The following GLI3 variants were observed in gnomAD, a reference collection of about 807,000 sequenced individuals.
GLI3 encodes transcription activator GLI3.
A neutral mutation model predicts 100.8 loss-of-function variants in GLI3; 20 were observed. The ratio of observed to expected loss-of-function variants is 0.20; its 90% confidence interval spans 0.14 to 0.29. GLI3 has a LOEUF of 0.29. Ranked by LOEUF, GLI3 falls within the 10% of genes least tolerant of loss-of-function variation. The pLI is 1.00. For missense variants in GLI3, 2,040 were observed against 2,128.5 expected, an observed-to-expected ratio of 0.96 and a Z score of 0.82; for synonymous variants, 938 against 860.5, an observed-to-expected ratio of 1.09 and a Z score of -1.58.
At chr7:42,132,267 A>ATT (rs542655206) in intron 3 of GLI3, among the ~76,000 whole-genome samples, 2 of 85,630 alleles carry the variant, frequency 2.3e-5, no homozygotes, top group Non-Finnish European at 4.3e-5. Flanking sequence ...CGCCCGGCTA[A>ATT]TTTTTTGTAT....
At chr7:42,012,133 A>T (rs1788630783) in intron 10 of GLI3, among the ~76,000 whole-genome samples, 1 of 152,210 alleles carries the variant, frequency 6.6e-6, no homozygotes, top group Admixed American at 6.5e-5. Flanking sequence ...GACTTGATGC[A>T]TGGCCGAGGA....
At chr7:42,048,834 C>T (rs1320475560) in intron 4 of GLI3, 138 bp from the exon 5 acceptor site, 3 of 687,130 alleles carry the variant, frequency 4.4e-6, no homozygotes, top group Non-Finnish European at 8.0e-6. Flanking sequence ...CAGGCAAATA[C>T]ATATTAGTAC....
Position 41,964,210 on chromosome 7 carries a change from G to A in GLI3, c.*120C>T, listed in dbSNP as rs771611053. 4 of 766,244 alleles carry A rather than the reference G, an allele frequency of 5.2e-6. No individual in the cohort carries two copies. In the East Asian group the frequency reaches 1.1e-4, roughly 20 times the overall value. The allele number at this position is 766,244 out of a possible 1,614,324, so 47.5% of individuals were successfully genotyped here. A position where few individuals can be genotyped will look rare whatever the true frequency, so the allele number is the denominator to read the frequency against. On this transcript the variant is annotated 3_prime_UTR_variant, in exon 15 of 15. Transcript: ENST00000395925. ...AGGAATATAATTGAAACACATCTCA[G>A]TTAGGTGAGATGAGATTGCTAAAAT...
rs539068418 is a variant in GLI3, at chr7:42,222,935, G to A, written c.124+195C>T. ...CAAATTAGAAAGTTTGGAAGTCAAC[G>A]TGTAGGTTGAGTGCCAAAATAGAGA... On this transcript the variant is annotated intron_variant, in intron 2 of 14. Transcript: ENST00000395925. 1,364 of 631,864 alleles carry A rather than the reference G, an allele frequency of 2.2e-3. 2 individuals carry two copies. The highest frequency in any genetic ancestry group is 3.1e-3 in the Non-Finnish European group (1,096 of 351,564). 39.1% of individuals were successfully genotyped at this position (631,864 alleles called of 1,614,324 possible). A position where few individuals can be genotyped will look rare whatever the true frequency, so the allele number is the denominator to read the frequency against.
chr7:42,210,403 G>A lies in GLI3; in HGVS notation c.124+12727C>T, dbSNP rs143511058. ...ATGCTGGCGTTTACCTGTAAGACTT[G>A]TACTTGTATTATTAGTATACCCCAG... On this transcript the variant is annotated intron_variant, in intron 2 of 14. Transcript: ENST00000395925. Among the ~76,000 whole-genome samples, 12 of 125,364 alleles carry A rather than the reference G, an allele frequency of 9.6e-5. No individual in the cohort carries two copies. In the East Asian group the frequency reaches 2.8e-3, roughly 29 times the overall value. 82.2% of individuals were successfully genotyped at this position (125,364 alleles called of 152,430 possible). A position where few individuals can be genotyped will look rare whatever the true frequency, so the allele number is the denominator to read the frequency against.
chr7:42,136,879 T>A (rs1464976720), intron 3 of GLI3, among the ~76,000 whole-genome samples: 1 of 152,246 alleles, frequency 6.6e-6, no homozygotes, highest in Admixed American at 6.5e-5. Context: ...CCAGCTGGGC[T>A]GATCCCAAAC....
At chr7:42,073,247 T>G (rs559609263) in intron 4 of GLI3, among the ~76,000 whole-genome samples, 1 of 152,320 alleles carries the variant, frequency 6.6e-6, no homozygotes, top group East Asian at 1.9e-4. Flanking sequence ...CATTCTACAC[T>G]GCCTAACCAT....
intron 3 of GLI3, among the ~76,000 whole-genome samples, chr7:42,116,225 G>C (rs1583570962): frequency 6.6e-6 from 1 of 152,110 alleles, no homozygotes; most frequent in Non-Finnish European, 1.5e-5. Context: ...TTCAGGTACA[G>C]CTCCCTATTT....
chr7:42,048,814 G>GA (rs1259666255), intron 4 of GLI3, 118 bp from the exon 5 acceptor site: 8 of 743,968 alleles, frequency 1.1e-5, no homozygotes, highest in African/African-American at 3.5e-5. Context: ...GAGCCTTGTG[G>GA]AAAAAACTGC....
intron 10 of GLI3, among the ~76,000 whole-genome samples, chr7:42,001,542 G>C (rs144402539): frequency 1.9e-3 from 289 of 152,148 alleles, no homozygotes; most frequent in Admixed American, 4.1e-3. Context: ...ATCCATTTTA[G>C]AAAATATTAT....
intron 3 of GLI3, among the ~76,000 whole-genome samples, chr7:42,110,602 G>A (rs1371951340): frequency 6.6e-6 from 1 of 152,152 alleles, no homozygotes; most frequent in Admixed American, 6.5e-5. Context: ...GCCCTGCACA[G>A]CATCTACAAA....
At chr7:42,226,495 T>C (rs1417810022) in intron 1 of GLI3, among the ~76,000 whole-genome samples, 1 of 152,226 alleles carries the variant, frequency 6.6e-6, no homozygotes, top group Non-Finnish European at 1.5e-5. Context: ...CTCCAGGCAC[T>C]GACTGAAATC....
At chr7:42,245,567 G>A (rs1788962154) in intron 1 of GLI3, among the ~76,000 whole-genome samples, 1 of 152,064 alleles carries the variant, frequency 6.6e-6, no homozygotes, top group Non-Finnish European at 1.5e-5. Context: ...TTTAGTCCCA[G>A]CTACTAGGGA....
At chr7:42,034,240 T>C (rs1314911732) in intron 7 of GLI3, among the ~76,000 whole-genome samples, 1 of 152,214 alleles carries the variant, frequency 6.6e-6, no homozygotes, top group African/African-American at 2.4e-5. Context: ...TGCCTCTCAT[T>C]TGAGGATTTC....
chr7:42,242,188 G>A (rs1300218128), upstream of GLI3, among the ~76,000 whole-genome samples: 2 of 152,096 alleles, frequency 1.3e-5, no homozygotes, highest in African/African-American at 4.8e-5. Context: ...AACAAGCAGT[G>A]GTCTGTAGGG....
chr7:42,234,637 T>G (rs1312130151), intron 1 of GLI3, among the ~76,000 whole-genome samples: 1 of 152,182 alleles, frequency 6.6e-6, no homozygotes, highest in Non-Finnish European at 1.5e-5. Context: ...TGGGAATTGG[T>G]AGGCATCTGA....
chr7:41,964,112 T>C lies in GLI3; in HGVS notation c.*218A>G, dbSNP rs1562656169. The C allele has an allele frequency of 6.1e-6, 3 of 489,738 alleles. No individual in the cohort carries two copies. Among genetic ancestry groups the C allele is most frequent in the Non-Finnish European group, 1.1e-5 (3 of 273,826 alleles). 30.3% of individuals were successfully genotyped at this position (489,738 alleles called of 1,614,324 possible). On this transcript the variant is annotated 3_prime_UTR_variant, in exon 15 of 15. Transcript: ENST00000395925. ...GAGGGTGGTTTGAGTGTAACAATAC[T>C]GATTCAAAACTGAAATGGAAGACAG...
At chr7:42,143,735 G>A (rs1786629936) in intron 3 of GLI3, among the ~76,000 whole-genome samples, 1 of 152,190 alleles carries the variant, frequency 6.6e-6, no homozygotes, top group African/African-American at 2.4e-5. Context: ...CTGAGCTGGG[G>A]AACATAGGAA....
chr7:42,048,426 G>C (rs761299696), intron 5 of GLI3, 65 bp downstream of exon 5: 2 of 1,069,874 alleles, frequency 1.9e-6, no homozygotes, highest in Admixed American at 1.7e-5. Flanking sequence ...CTTTATACAC[G>C]TCCCGAGTGA....
Sources: allele counts gnomAD v4.1 joint callset (sites outside exome capture counted in the v4.1 genomes callset), GRCh38; gene constraint gnomAD v4.1.1; transcripts MANE v1.5; gene names NCBI Gene and HGNC (gene_info 2026-07-23, HGNC 2026-07-21).